Variants in GUCY1A2 observed in about 807,000 individuals in gnomAD.
GUCY1A2 encodes the protein guanylate cyclase 1 soluble subunit alpha 2, also known as guanylate cyclase soluble subunit alpha-2.
A neutral mutation model predicts 63.5 loss-of-function variants in GUCY1A2; 27 were observed. The observed-to-expected ratio is 0.43, with a 90% CI of 0.31 to 0.59. The LOEUF (loss-of-function observed/expected upper bound fraction) is 0.59. GUCY1A2 is among the 20% of genes least tolerant of loss of function. The pLI, the probability that GUCY1A2 is intolerant of heterozygous loss-of-function variation, is 0.11. For synonymous variants in GUCY1A2, 364 were observed against 343.5 expected (o/e 1.06, Z -0.66); for missense variants, 768 against 913.3 (o/e 0.84, Z 2.05).
chr11:106,783,736 T>G (rs1033813773), intron 5 of GUCY1A2, among the ~76,000 whole-genome samples: 8 of 152,200 alleles, frequency 5.3e-5, no homozygotes, highest in African/African-American at 1.9e-4. Context: ...AAAAAAGATT[T>G]TGAACATGTA....
At chr11:106,980,306 C>G (rs1026312120) in intron 2 of GUCY1A2, among the ~76,000 whole-genome samples, 1 of 152,154 alleles carries the variant, frequency 6.6e-6, no homozygotes, top group African/African-American at 2.4e-5. Context: ...AGCAAGACCA[C>G]GAGAGTGAAG....
chr11:106,883,077 C>G (rs529107132), intron 4 of GUCY1A2, among the ~76,000 whole-genome samples: 1 of 152,000 alleles, frequency 6.6e-6, no homozygotes, highest in Non-Finnish European at 1.5e-5. Context: ...TTTGATATTA[C>G]ACATTGAAGG....
chr11:106,914,530 C>T (rs932006038), intron 4 of GUCY1A2, among the ~76,000 whole-genome samples: 5 of 151,362 alleles, frequency 3.3e-5, no homozygotes, highest in African/African-American at 7.3e-5. Context: ...AGCCATGCTA[C>T]GTCCAGTAAG....
chr11:106,863,617 G>A (rs1859545691), intron 4 of GUCY1A2, among the ~76,000 whole-genome samples: 1 of 151,854 alleles, frequency 6.6e-6, no homozygotes, highest in African/African-American at 2.4e-5. Flanking sequence ...TTGGCTATAT[G>A]GGCTCTTTCT....
At chr11:106,751,813 G>A (rs1330853875) in intron 6 of GUCY1A2, among the ~76,000 whole-genome samples, 6 of 152,076 alleles carry the variant, frequency 3.9e-5, no homozygotes. Flanking sequence ...TATTTTATAT[G>A]TAAAACCAAT....
chr11:106,696,299 T>C (rs1029470627), intron 7 of GUCY1A2, among the ~76,000 whole-genome samples: 1 of 152,202 alleles, frequency 6.6e-6, no homozygotes, highest in Admixed American at 6.5e-5. Flanking sequence ...TTGATATGTC[T>C]ATAGACAGAA....
chr11:106,842,478 C>A (rs1429589109), intron 4 of GUCY1A2, among the ~76,000 whole-genome samples: 1 of 152,032 alleles, frequency 6.6e-6, no homozygotes, highest in Non-Finnish European at 1.5e-5. Flanking sequence ...ACCCTGCATT[C>A]TATATTCCTA....
At chr11:106,857,772 T>C (rs1053190251) in intron 4 of GUCY1A2, among the ~76,000 whole-genome samples, 9 of 152,218 alleles carry the variant, frequency 5.9e-5, no homozygotes, top group Non-Finnish European at 1.5e-5. Context: ...AGCAACTATT[T>C]ACATAGCATT....
At chr11:106,801,779 T>C (rs1858607116) in intron 5 of GUCY1A2, among the ~76,000 whole-genome samples, 1 of 152,168 alleles carries the variant, frequency 6.6e-6, no homozygotes, top group African/African-American at 2.4e-5. Context: ...CCATTTTCCA[T>C]GATGTGATTA....
rs1478252958 is a variant in GUCY1A2, at chr11:106,753,408, T to C, written c.1836+23031A>G. Among the ~76,000 whole-genome samples, 3 of 152,214 alleles carry C rather than the reference T, an allele frequency of 2.0e-5. No individual in the cohort carries two copies. The East Asian group carries it at 5.8e-4, about 29-fold the overall frequency. ...TTGTCAATTTTGGCTTTTGTTGCCA[T>C]TGCTTTTGGTTTTAGTCATGAAGTC... On this transcript the variant is annotated intron_variant, in intron 6 of 7. Transcript: ENST00000526355.
At chr11:106,913,013 T>C (rs1414605331) in intron 4 of GUCY1A2, among the ~76,000 whole-genome samples, 1 of 152,168 alleles carries the variant, frequency 6.6e-6, no homozygotes, top group Non-Finnish European at 1.5e-5. Context: ...ACTGTGGTGA[T>C]ATTTTCCAAA....
At chr11:106,851,184 GTT>G (rs35831765) in intron 4 of GUCY1A2, among the ~76,000 whole-genome samples, 1 of 149,914 alleles carries the variant, frequency 6.7e-6, no homozygotes. Flanking sequence ...TTTTAAATGG[GTT>G]TTTTTTTGTT....
intron 5 of GUCY1A2, among the ~76,000 whole-genome samples, chr11:106,776,888 T>G (rs778618119): frequency 3.2e-4 from 48 of 152,146 alleles, no homozygotes; most frequent in Non-Finnish European, 5.7e-4. Flanking sequence ...CTAGATAATT[T>G]CCAAATAATC....
intron 1 of GUCY1A2, among the ~76,000 whole-genome samples, chr11:106,997,881 A>G (rs1380711762): frequency 1.3e-5 from 2 of 152,164 alleles, no homozygotes; most frequent in Admixed American, 6.5e-5. Flanking sequence ...TAGAAACGCT[A>G]AAGAGATGTC....
At chr11:106,846,752 A>AT (rs1859278768) in intron 4 of GUCY1A2, among the ~76,000 whole-genome samples, 1 of 151,500 alleles carries the variant, frequency 6.6e-6, no homozygotes, top group Non-Finnish European at 1.5e-5. Flanking sequence ...TTTTCCTCTT[A>AT]TTTTCCTAAA....
chr11:106,759,051 T>C (rs1864020606), intron 6 of GUCY1A2, among the ~76,000 whole-genome samples: 1 of 152,052 alleles, frequency 6.6e-6, no homozygotes, highest in South Asian at 2.1e-4. Flanking sequence ...GTAGTGACTA[T>C]GCTCACTACC....
chr11:106,959,587 G>A (rs952815106), intron 3 of GUCY1A2, among the ~76,000 whole-genome samples: 14 of 152,136 alleles, frequency 9.2e-5, no homozygotes, highest in South Asian at 8.3e-4. Context: ...GAGAGCTGCC[G>A]GCTCAAGATC....
intron 3 of GUCY1A2, among the ~76,000 whole-genome samples, chr11:106,968,633 T>A (rs1861156353): frequency 6.6e-6 from 1 of 152,136 alleles, no homozygotes; most frequent in Admixed American, 6.6e-5. Flanking sequence ...AGGTTCTCCC[T>A]CCATTCCATC....
intron 4 of GUCY1A2, among the ~76,000 whole-genome samples, chr11:106,854,013 G>C (rs1859392218): frequency 6.6e-6 from 1 of 152,220 alleles, no homozygotes; most frequent in Non-Finnish European, 1.5e-5. Flanking sequence ...GCTGGTCCTT[G>C]GGCATGAGTG....
Sources: allele counts gnomAD v4.1 joint callset (sites outside exome capture counted in the v4.1 genomes callset), GRCh38; gene constraint gnomAD v4.1.1; transcripts MANE v1.5; gene names NCBI Gene and HGNC (gene_info 2026-07-23, HGNC 2026-07-21).